KIAA1549L: variants seen among roughly 807,000 people sequenced by gnomAD.
KIAA1549L encodes the protein KIAA1549 like.
Under a neutral mutation model 160.7 loss-of-function variants are expected in KIAA1549L, and 88 were observed. The ratio of observed to expected loss-of-function variants is 0.55; its 90% confidence interval spans 0.46 to 0.65. KIAA1549L has a LOEUF of 0.65. Ranked by LOEUF, KIAA1549L falls within the 30% of genes least tolerant of loss-of-function variation. KIAA1549L has a pLI of 0.00. For missense variants in KIAA1549L, 2,258 were observed against 2,437.5 expected, an observed-to-expected ratio of 0.93 and a Z score of 1.55; for synonymous variants, 950 against 976.7, an observed-to-expected ratio of 0.97 and a Z score of 0.51.
At chr11:33,531,586 A>G (rs1006778374) in intron 1 of KIAA1549L, among the ~76,000 whole-genome samples, 1 of 152,254 alleles carries the variant, frequency 6.6e-6, no homozygotes, top group Admixed American at 6.5e-5. Flanking sequence ...TAGCTGTGAA[A>G]GAGCTTTGAA....
intron 17 of KIAA1549L, among the ~76,000 whole-genome samples, chr11:33,651,933 T>C (rs60899989): frequency 0.12 from 9,908 of 81,828 alleles, 1,780 homozygotes; most frequent in African/African-American, 0.39. Flanking sequence ...CTCCCTCCCT[T>C]CCTTCCTTCG....
At chr11:33,378,049 T>C (rs1484669455) in intron 1 of KIAA1549L, among the ~76,000 whole-genome samples, 3 of 152,214 alleles carry the variant, frequency 2.0e-5, no homozygotes, top group African/African-American at 7.2e-5. Flanking sequence ...GAAAAACCTC[T>C]GACGAATTTT....
chr11:33,466,950 C>CA (rs1852073090), intron 1 of KIAA1549L, among the ~76,000 whole-genome samples: 1 of 133,254 alleles, frequency 7.5e-6, no homozygotes, highest in Non-Finnish European at 1.6e-5. Flanking sequence ...GGGGGAACAT[C>CA]ACACACTGGG....
intron 13 of KIAA1549L, chr11:33,599,619 G>A (rs1482830710): frequency 6.6e-6 from 1 of 152,208 alleles, no homozygotes; most frequent in Non-Finnish European, 1.5e-5. Context: ...TGGCGTTGGG[G>A]TTTATTTATC....
At chr11:33,607,447 A>G (rs1850536328) in intron 14 of KIAA1549L, among the ~76,000 whole-genome samples, 1 of 152,232 alleles carries the variant, frequency 6.6e-6, no homozygotes. Flanking sequence ...GCCAGAAGTT[A>G]GGTAAAAATT....
chr11:33,387,925 G>A (rs113181346), intron 1 of KIAA1549L, among the ~76,000 whole-genome samples: 2 of 152,184 alleles, frequency 1.3e-5, no homozygotes, highest in African/African-American at 4.8e-5. Context: ...ATTCTGAAAA[G>A]GGAAGAGTTT....
intron 1 of KIAA1549L, among the ~76,000 whole-genome samples, chr11:33,458,069 G>A (rs753690331): frequency 6.6e-5 from 10 of 152,328 alleles, no homozygotes; most frequent in Non-Finnish European, 1.3e-4. Context: ...CCCGAGGGAT[G>A]ACAGAGAAGT....
chr11:33,596,241 C>T (rs774974615), intron 12 of KIAA1549L, among the ~76,000 whole-genome samples: 93 of 152,154 alleles, frequency 6.1e-4, no homozygotes, highest in Non-Finnish European at 1.2e-3. Context: ...CACAAACACA[C>T]GGGCACAAAT....
At chr11:33,482,384 T>C in intron 1 of KIAA1549L, among the ~76,000 whole-genome samples, 1 of 152,136 alleles carries the variant, frequency 6.6e-6, no homozygotes, top group East Asian at 1.9e-4. Context: ...TGGGACATTG[T>C]TGTTTTTTCC....
chr11:33,628,105 T>C (rs1472979463), intron 16 of KIAA1549L, among the ~76,000 whole-genome samples: 6 of 151,882 alleles, frequency 4.0e-5, no homozygotes, highest in African/African-American at 1.2e-4. Flanking sequence ...TTGAGTGAGA[T>C]TCTTAATCCT....
chr11:33,600,447 C>A (rs1024867467), intron 13 of KIAA1549L, among the ~76,000 whole-genome samples: 3 of 152,060 alleles, frequency 2.0e-5, no homozygotes, highest in African/African-American at 7.2e-5. Context: ...ACAGTGAAGC[C>A]ATATGGGGAA....
chr11:33,450,162 A>G (rs1378222858), intron 1 of KIAA1549L, among the ~76,000 whole-genome samples: 1 of 152,196 alleles, frequency 6.6e-6, no homozygotes, highest in Non-Finnish European at 1.5e-5. Flanking sequence ...TTTATCTTGA[A>G]GATGATCAAG....
chr11:33,580,602 GA>G (rs71457309), intron 10 of KIAA1549L, among the ~76,000 whole-genome samples: 4 of 138,350 alleles, frequency 2.9e-5, no homozygotes, highest in East Asian at 2.1e-4. Flanking sequence ...GAAAAGAAAA[GA>G]AAAAAAAAGC....
intron 16 of KIAA1549L, among the ~76,000 whole-genome samples, chr11:33,629,845 T>G (rs1409366283): frequency 1.3e-5 from 2 of 149,260 alleles, no homozygotes; most frequent in African/African-American, 5.1e-5. Flanking sequence ...CTGCGTTCCT[T>G]TGGAGGAGGA....
intron 1 of KIAA1549L, among the ~76,000 whole-genome samples, chr11:33,435,852 G>C (rs866303929): frequency 9.6e-6 from 1 of 104,426 alleles, no homozygotes; most frequent in South Asian, 2.8e-4. Flanking sequence ...ATGTGTGTGT[G>C]TGTGTGTGTG....
At chr11:33,431,648 GC>G (rs1356350048) in intron 1 of KIAA1549L, among the ~76,000 whole-genome samples, 3 of 152,230 alleles carry the variant, frequency 2.0e-5, no homozygotes, top group African/African-American at 7.2e-5. Flanking sequence ...GTTCTCCAAG[GC>G]CCCACCAGAC....
At chr11:33,547,920 C>A in intron 4 of KIAA1549L, 41 bp downstream of exon 4, 2 of 1,297,220 alleles carry the variant, frequency 1.5e-6, no homozygotes, top group Non-Finnish European at 2.2e-6. Context: ...CCATCACAGT[C>A]TGGCTCTTGG....
chr11:33,433,636 A>AT (rs1851296611), intron 1 of KIAA1549L, among the ~76,000 whole-genome samples: 1 of 152,216 alleles, frequency 6.6e-6, no homozygotes, highest in African/African-American at 2.4e-5. Flanking sequence ...AGACACATGC[A>AT]TACATACATT....
At chr11:33,567,970 G>A (rs776664925) in intron 8 of KIAA1549L, 106 bp from the exon 9 acceptor site, 371 of 1,203,732 alleles carry the variant, frequency 3.1e-4, no homozygotes, top group Non-Finnish European at 3.8e-4. Flanking sequence ...CATGAGGTAG[G>A]ACACAGTGGC....
Sources: gnomAD v4.1 joint callset for allele counts (sites outside exome capture counted in the v4.1 genomes callset) on GRCh38, gnomAD v4.1.1 for gene constraint, MANE v1.5 for transcripts, NCBI Gene and HGNC (gene_info 2026-07-23, HGNC 2026-07-21) for gene names.